The following ZFHX3 variants were observed in gnomAD, a reference collection of about 807,000 sequenced individuals.
ZFHX3 encodes the protein zinc finger homeobox protein 3.
Under a neutral mutation model 279.1 loss-of-function variants are expected in ZFHX3, and 42 were observed. The observed-to-expected ratio is 0.15, with a 90% CI of 0.12 to 0.19. The LOEUF is 0.19. Ranked by LOEUF, ZFHX3 falls within the 10% of genes least tolerant of loss-of-function variation. The pLI, the probability that ZFHX3 is intolerant of heterozygous loss-of-function variation, is 1.00. For synonymous variants in ZFHX3, 2,293 were observed against 1,957.8 expected (o/e 1.17, Z -4.52); for missense variants, 4,981 against 4,754.0 (o/e 1.05, Z -1.40).
chr16:72,870,949 G>A (rs1185068536), intron 4 of ZFHX3, among the ~76,000 whole-genome samples: 1 of 152,018 alleles, frequency 6.6e-6, no homozygotes, highest in Non-Finnish European at 1.5e-5. Flanking sequence ...ATGTCAAGGG[G>A]CACCATGTGT....
intron 3 of ZFHX3, among the ~76,000 whole-genome samples, chr16:73,397,999 C>T (rs923992712): frequency 3.9e-5 from 6 of 152,124 alleles, no homozygotes; most frequent in African/African-American, 1.4e-4. Flanking sequence ...TGTCGGCCAC[C>T]ATGCCCGGCT....
intron 3 of ZFHX3, among the ~76,000 whole-genome samples, chr16:73,372,479 A>T (rs1286744477): frequency 6.6e-6 from 1 of 152,268 alleles, no homozygotes; most frequent in Non-Finnish European, 1.5e-5. Context: ...ATTAATGGGT[A>T]AATAATTTAT....
intron 1 of ZFHX3, among the ~76,000 whole-genome samples, chr16:73,683,178 C>T (rs962957616): frequency 6.6e-6 from 1 of 151,918 alleles, no homozygotes; most frequent in African/African-American, 2.4e-5. Context: ...ATTTAAAAAC[C>T]ATCAGCGATG....
chr16:72,974,568 AACACACACAC>A (rs59350988), intron 1 of ZFHX3, among the ~76,000 whole-genome samples: 49 of 148,314 alleles, frequency 3.3e-4, no homozygotes, highest in Admixed American at 1.4e-3. Flanking sequence ...CTGATAGGGC[AACACACACAC>A]ACACACACAC....
chr16:73,308,738 T>C (rs184993149), intron 4 of ZFHX3, among the ~76,000 whole-genome samples: 2 of 152,074 alleles, frequency 1.3e-5, no homozygotes, highest in Non-Finnish European at 2.9e-5. Context: ...GAACCATTTT[T>C]GAGAAGACAT....
intron 1 of ZFHX3, among the ~76,000 whole-genome samples, chr16:73,889,841 G>C (rs1203425501): frequency 2.0e-5 from 3 of 152,090 alleles, no homozygotes; most frequent in African/African-American, 7.2e-5. Flanking sequence ...CAGAGCCAGG[G>C]CTTATTTTCC....
At chr16:72,863,599 A>G (rs2037940680) in intron 4 of ZFHX3, among the ~76,000 whole-genome samples, 1 of 152,130 alleles carries the variant, frequency 6.6e-6, no homozygotes, top group African/African-American at 2.4e-5. Flanking sequence ...GTTTGAAAAT[A>G]ATTGAGTAAA....
chr16:73,232,481 C>G (rs1000975596), intron 5 of ZFHX3: 4 of 152,162 alleles, frequency 2.6e-5, no homozygotes, highest in Non-Finnish European at 5.9e-5. Context: ...AAAAGCACCT[C>G]AAAACCAAGG....
chr16:73,002,847 C>G (rs1327163454), intron 1 of ZFHX3, among the ~76,000 whole-genome samples: 3 of 152,154 alleles, frequency 2.0e-5, no homozygotes, highest in African/African-American at 7.2e-5. Flanking sequence ...AACTTTTAAG[C>G]ACATATTTTC....
At chr16:73,119,334 T>G (rs892470493) in intron 7 of ZFHX3, among the ~76,000 whole-genome samples, 20 of 152,186 alleles carry the variant, frequency 1.3e-4, no homozygotes, top group African/African-American at 4.3e-4. Context: ...CTCCAACTTC[T>G]GGGCTCAAGT....
intron 2 of ZFHX3, among the ~76,000 whole-genome samples, chr16:73,563,698 C>T (rs1362936982): frequency 2.0e-5 from 3 of 152,156 alleles, no homozygotes; most frequent in African/African-American, 7.2e-5. Flanking sequence ...CATCCCTGCC[C>T]TTCTACCTGT....
At chr16:73,858,897 C>G (rs968723016) in intron 1 of ZFHX3, among the ~76,000 whole-genome samples, 1 of 152,106 alleles carries the variant, frequency 6.6e-6, no homozygotes, top group Non-Finnish European at 1.5e-5. Context: ...CCAGCTTTTC[C>G]CAAATGAACT....
intron 1 of ZFHX3, among the ~76,000 whole-genome samples, chr16:73,030,674 C>T (rs184943646): frequency 6.8e-4 from 103 of 152,102 alleles, no homozygotes; most frequent in African/African-American, 2.2e-3. Flanking sequence ...AGCATGAGTC[C>T]AGAGCTAGAG....
At chr16:73,885,977 C>T (rs1409413550) in intron 1 of ZFHX3, among the ~76,000 whole-genome samples, 1 of 152,172 alleles carries the variant, frequency 6.6e-6, no homozygotes, top group Non-Finnish European at 1.5e-5. Flanking sequence ...GTTTTCCTTT[C>T]CATCCATATG....
At chr16:73,742,210 T>C (rs1042789400) in intron 1 of ZFHX3, among the ~76,000 whole-genome samples, 1 of 152,232 alleles carries the variant, frequency 6.6e-6, no homozygotes, top group African/African-American at 2.4e-5. Context: ...TGAACATGTC[T>C]CTGAACACAA....
intron 3 of ZFHX3, among the ~76,000 whole-genome samples, chr16:72,916,589 T>A (rs1024064326): frequency 6.6e-6 from 1 of 152,328 alleles, no homozygotes. Flanking sequence ...AGGATTATTA[T>A]ATTTTAATAC....
intron 5 of ZFHX3, among the ~76,000 whole-genome samples, chr16:72,820,705 G>A (rs1027341423): frequency 6.6e-6 from 1 of 152,122 alleles, no homozygotes; most frequent in Non-Finnish European, 1.5e-5. Flanking sequence ...TGTGAGGATG[G>A]GTGGCCACAG....
intron 3 of ZFHX3, among the ~76,000 whole-genome samples, chr16:73,425,717 T>C (rs1050083508): frequency 1.3e-5 from 2 of 152,158 alleles, no homozygotes; most frequent in Non-Finnish European, 2.9e-5. Flanking sequence ...ATCATCTGGC[T>C]GTGGGCAGAT....
intron 5 of ZFHX3, among the ~76,000 whole-genome samples, chr16:73,247,471 A>G (rs2013323232): frequency 6.7e-6 from 1 of 149,528 alleles, no homozygotes; most frequent in Non-Finnish European, 1.5e-5. Flanking sequence ...TACTGCGTAT[A>G]TGATGTGTCT....
Sources: gnomAD v4.1 joint callset for allele counts (sites outside exome capture counted in the v4.1 genomes callset) on GRCh38, gnomAD v4.1.1 for gene constraint, MANE v1.5 for transcripts, NCBI Gene and HGNC (gene_info 2026-07-23, HGNC 2026-07-21) for gene names.